The following EPM2A variants were observed in gnomAD, a reference collection of about 807,000 sequenced individuals.
The protein encoded by EPM2A is EPM2A glucan phosphatase, laforin, also known as laforin.
Under a neutral mutation model 26.5 loss-of-function variants are expected in EPM2A, and 21 were observed. That is an observed-to-expected ratio of 0.79 (90% CI 0.56 to 1.14). The LOEUF (loss-of-function observed/expected upper bound fraction) is 1.14. Ranked by LOEUF, EPM2A falls within the 50% of genes most tolerant of loss-of-function variation. The pLI is 0.00. For synonymous variants in EPM2A, 217 were observed against 177.6 expected (o/e 1.22, Z -1.76); for missense variants, 458 against 440.8 (o/e 1.04, Z -0.35).
At chr6:145,503,169 T>C (rs868664679) in intron 2 of EPM2A, among the ~76,000 whole-genome samples, 10 of 152,224 alleles carry the variant, frequency 6.6e-5, no homozygotes, top group Non-Finnish European at 1.3e-4. Context: ...AAAGCTTTAA[T>C]GTAAGAGGGC....
chr6:145,568,736 T>G (rs1022630081), intron 2 of EPM2A, among the ~76,000 whole-genome samples: 9 of 152,178 alleles, frequency 5.9e-5, no homozygotes, highest in African/African-American at 1.7e-4. Flanking sequence ...CCAACCTGAC[T>G]CTTCAGAGAA....
At chr6:145,514,163 G>A (rs1780093494) in intron 2 of EPM2A, among the ~76,000 whole-genome samples, 1 of 152,154 alleles carries the variant, frequency 6.6e-6, no homozygotes, top group Non-Finnish European at 1.5e-5. Flanking sequence ...AAATGTAGTG[G>A]AGTATGCGGA....
intron 4 of EPM2A, among the ~76,000 whole-genome samples, chr6:145,430,603 G>GA (rs34510907): frequency 6.1e-5 from 9 of 148,084 alleles, no homozygotes; most frequent in Non-Finnish European, 9.0e-5. Flanking sequence ...TCCATCTCAA[G>GA]AAAAAAAAAA....
At chr6:145,637,304 T>C (rs1337541766) in intron 2 of EPM2A, 3 of 152,208 alleles carry the variant, frequency 2.0e-5, no homozygotes, top group African/African-American at 7.2e-5. Flanking sequence ...TTTTGTTTTT[T>C]GCTTTTTTCC....
intron 2 of EPM2A, among the ~76,000 whole-genome samples, chr6:145,505,278 G>C (rs1779955459): frequency 6.6e-6 from 1 of 151,834 alleles, no homozygotes; most frequent in Admixed American, 6.6e-5. Flanking sequence ...AATAATTTCA[G>C]ACTTATAGAA....
intron 4 of EPM2A, among the ~76,000 whole-genome samples, chr6:145,457,476 T>G (rs1355360152): frequency 3.3e-4 from 46 of 137,380 alleles, no homozygotes; most frequent in African/African-American, 1.2e-3. Flanking sequence ...AGAGTGACTC[T>G]GTCTCAAAAA....
chr6:145,635,106 T>C, intron 3 of EPM2A, 139 bp downstream of exon 3: 1 of 930,252 alleles, frequency 1.1e-6, no homozygotes, highest in Non-Finnish European at 1.6e-6. Context: ...AACATATGTA[T>C]TATATATATT....
At chr6:145,397,510 G>A (rs995780650) in intron 4 of EPM2A, among the ~76,000 whole-genome samples, 1 of 152,126 alleles carries the variant, frequency 6.6e-6, no homozygotes, top group African/African-American at 2.4e-5. Context: ...AACAAGAAAT[G>A]TTATCTCCTA....
chr6:145,510,514 G>C (rs1175621269), intron 2 of EPM2A, among the ~76,000 whole-genome samples: 2 of 151,954 alleles, frequency 1.3e-5, no homozygotes, highest in Non-Finnish European at 2.9e-5. Context: ...ATAAAATTAA[G>C]GCAGAAATGA....
intron 2 of EPM2A, among the ~76,000 whole-genome samples, chr6:145,602,838 C>T (rs1393434591): frequency 6.6e-6 from 1 of 152,102 alleles, no homozygotes; most frequent in Non-Finnish European, 1.5e-5. Context: ...GATTGGAATA[C>T]CTTACTTTTC....
chr6:145,414,988 T>C (rs887042940), intron 4 of EPM2A, among the ~76,000 whole-genome samples: 1 of 152,192 alleles, frequency 6.6e-6, no homozygotes, highest in Non-Finnish European at 1.5e-5. Flanking sequence ...TCCTACTTTG[T>C]CTCCTGTTTC....
chr6:145,705,918 T>A (rs1434147714), intron 1 of EPM2A: 1 of 456,780 alleles, frequency 2.2e-6, no homozygotes, highest in East Asian at 7.0e-5. Context: ...GGAAAGATGG[T>A]GCTGGGTAAC....
intron 2 of EPM2A, among the ~76,000 whole-genome samples, chr6:145,546,945 A>T (rs416243): frequency 0.45 from 67,713 of 151,782 alleles, 15,130 homozygotes; most frequent in South Asian, 0.59. Context: ...CAATAGTTTA[A>T]TCTTGTTGAG....
intron 2 of EPM2A, among the ~76,000 whole-genome samples, chr6:145,561,045 A>C (rs1430675861): frequency 6.6e-6 from 1 of 152,060 alleles, no homozygotes; most frequent in African/African-American, 2.4e-5. Flanking sequence ...TATATAGTAC[A>C]TATACTGTAG....
intron 2 of EPM2A, among the ~76,000 whole-genome samples, chr6:145,577,781 G>A (rs1245117796): frequency 6.6e-6 from 1 of 151,826 alleles, no homozygotes; most frequent in Non-Finnish European, 1.5e-5. Context: ...CATACTCCAG[G>A]ATAGACCATC....
intron 4 of EPM2A, chr6:145,489,597 C>CA (rs1388817259): frequency 9.1e-7 from 1 of 1,096,320 alleles, no homozygotes; most frequent in Non-Finnish European, 1.3e-6. Context: ...AAAAACCCAA[C>CA]AAGTAAATTT....
chr6:145,465,262 C>T (rs1174921369), intron 4 of EPM2A, among the ~76,000 whole-genome samples: 1 of 151,790 alleles, frequency 6.6e-6, no homozygotes, highest in Non-Finnish European at 1.5e-5. Context: ...TTGATCGCAT[C>T]GGCTCCTGAG....
chr6:145,466,927 G>A (rs920162000), intron 4 of EPM2A, among the ~76,000 whole-genome samples: 2 of 152,090 alleles, frequency 1.3e-5, no homozygotes, highest in Admixed American at 1.3e-4. Context: ...CTCACTCATA[G>A]GTGGGAACTG....
At chr6:145,584,545 C>T (rs555626219) in intron 2 of EPM2A, among the ~76,000 whole-genome samples, 3 of 152,162 alleles carry the variant, frequency 2.0e-5, no homozygotes, top group Admixed American at 6.5e-5. Flanking sequence ...AACCTCTGGG[C>T]TCCACACAGG....
Sources: gnomAD v4.1 joint callset for allele counts (sites outside exome capture counted in the v4.1 genomes callset) on GRCh38, gnomAD v4.1.1 for gene constraint, MANE v1.5 for transcripts, NCBI Gene and HGNC (gene_info 2026-07-23, HGNC 2026-07-21) for gene names.